The following CACNG3 variants were observed in gnomAD, a reference collection of about 807,000 sequenced individuals.
CACNG3 encodes calcium voltage-gated channel auxiliary subunit gamma 3.
CACNG3 carries 3 observed loss-of-function variants against 28.5 expected under a neutral mutation model. That is an observed-to-expected ratio of 0.11 (90% CI 0.05 to 0.27). The LOEUF (loss-of-function observed/expected upper bound fraction) is 0.27. Among genes scored for constraint, CACNG3 ranks in the 10% least tolerant of loss-of-function variants. The probability of loss-of-function intolerance (pLI) is 1.00; values close to 1 mark genes in which losing one functional copy is unlikely to be tolerated. For synonymous variants in CACNG3, 174 were observed against 162.2 expected, an observed-to-expected ratio of 1.07 and a Z score of -0.55; for missense variants, 236 against 414.4, an observed-to-expected ratio of 0.57 and a Z score of 3.74.
chr16:24,355,575 C>T (rs1190801951), intron 3 of CACNG3, among the ~76,000 whole-genome samples: 1 of 152,108 alleles, frequency 6.6e-6, no homozygotes, highest in African/African-American at 2.4e-5. Context: ...AAAGTGAAGT[C>T]TCATCTCTAA....
chr16:24,305,511 T>A (rs1899174691), intron 1 of CACNG3, among the ~76,000 whole-genome samples: 1 of 151,994 alleles, frequency 6.6e-6, no homozygotes, highest in Non-Finnish European at 1.5e-5. Context: ...AGTTAATATT[T>A]TTTTAAATTA....
chr16:24,289,565 G>T (rs556772786), intron 1 of CACNG3, among the ~76,000 whole-genome samples: 71 of 152,260 alleles, frequency 4.7e-4, no homozygotes, highest in African/African-American at 1.7e-3. Context: ...CAACACAATG[G>T]GTGGCCACCC....
At chr16:24,268,302 A>C (rs938529542) in intron 1 of CACNG3, among the ~76,000 whole-genome samples, 5 of 152,162 alleles carry the variant, frequency 3.3e-5, no homozygotes, top group African/African-American at 4.8e-5. Flanking sequence ...AGGCTCAGAG[A>C]GGTAAAGTAG....
intron 1 of CACNG3, among the ~76,000 whole-genome samples, chr16:24,328,676 G>T (rs545145898): frequency 3.3e-5 from 5 of 152,266 alleles, no homozygotes; most frequent in African/African-American, 1.2e-4. Flanking sequence ...AGATGTTCAA[G>T]TGAGGTGAGG....
intron 1 of CACNG3, among the ~76,000 whole-genome samples, chr16:24,277,738 C>T (rs1415675579): frequency 1.3e-5 from 2 of 149,460 alleles, no homozygotes; most frequent in Admixed American, 1.3e-4. Context: ...AGAGATTGCA[C>T]CACTGCACTC....
In CACNG3 at chr16:24,259,162, C is replaced by CT. The variant is rs1340264257; in HGVS notation, c.211+2204dup. 3.3e-5 allele frequency among the ~76,000 whole-genome samples: 5 copies of CT among 152,268 alleles called. No homozygotes were observed. The East Asian group carries it at 5.8e-4, about 18-fold the overall frequency. Reference sequence around the variant, plus strand: ...GCAGTCCCCATACAACTTGGCCTGGCTTTTTTTGTTGTTGTTCACTTTTTT... The same window carrying CT: ...GCAGTCCCCATACAACTTGGCCTGGCTTTTTTTTGTTGTTGTTCACTTTTTT... On this transcript the variant is annotated intron_variant, in intron 1 of 3. Transcript: ENST00000005284.
At chr16:24,283,687 G>A (rs1596626978) in intron 1 of CACNG3, among the ~76,000 whole-genome samples, 1 of 152,138 alleles carries the variant, frequency 6.6e-6, no homozygotes, top group African/African-American at 2.4e-5. Flanking sequence ...AGAGAATAGT[G>A]TTAAATAATG....
At chr16:24,286,390 T>C (rs867180921) in intron 1 of CACNG3, among the ~76,000 whole-genome samples, 7 of 150,486 alleles carry the variant, frequency 4.7e-5, no homozygotes, top group South Asian at 2.1e-4. Context: ...GGCAAATGTC[T>C]TGATTATTAA....
chr16:24,268,263 A>G (rs1326098941), intron 1 of CACNG3, among the ~76,000 whole-genome samples: 1 of 152,198 alleles, frequency 6.6e-6, no homozygotes, highest in African/African-American at 2.4e-5. Flanking sequence ...GTCTACTACT[A>G]GTTGTCTGCT....
At position 24,361,122 on chromosome 16, in the gene CACNG3, T is replaced by A. The variant is rs1478126013; in HGVS notation, c.437-230T>A. ...AGTTCTTCCGTACTTGCTGTAGGAG[T>A]AGGGTGTATTCTTCAGCTGAATACA... On this transcript the variant is annotated intron_variant, in intron 3 of 3. Coordinates refer to ENST00000005284, the MANE Select transcript of CACNG3 (RefSeq NM_006539.4). The surrounding 1 kb of genome is among the most constrained non-coding windows in gnomAD (Gnocchi z 6.8). Among the ~76,000 whole-genome samples the A allele has an allele frequency of 6.6e-6, 1 of 152,128 alleles. No homozygotes were observed. The highest frequency in any genetic ancestry group is 1.5e-5 in the Non-Finnish European group (1 of 68,034).
intron 1 of CACNG3, among the ~76,000 whole-genome samples, chr16:24,321,692 G>A (rs1240208223): frequency 6.6e-6 from 1 of 152,116 alleles, no homozygotes; most frequent in Non-Finnish European, 1.5e-5. Flanking sequence ...ATCTATTGAG[G>A]TTGCTAAGAT....
intron 2 of CACNG3, among the ~76,000 whole-genome samples, chr16:24,352,423 A>G (rs914044235): frequency 6.6e-5 from 10 of 152,096 alleles, no homozygotes; most frequent in African/African-American, 2.4e-4. Flanking sequence ...TACTTTCAAA[A>G]TATAAAGTAC....
intron 1 of CACNG3, among the ~76,000 whole-genome samples, chr16:24,343,323 C>A (rs186841335): frequency 1.3e-5 from 2 of 152,140 alleles, no homozygotes; most frequent in Admixed American, 6.6e-5. Flanking sequence ...CAGATGCCCA[C>A]GTGTATGTAG....
chr16:24,260,064 AAGG>A (rs370104498), intron 1 of CACNG3, among the ~76,000 whole-genome samples: 3 of 152,210 alleles, frequency 2.0e-5, no homozygotes, highest in Admixed American at 6.5e-5. Flanking sequence ...CCCATCACTC[AAGG>A]AGGAGAAGGA....
chr16:24,280,712 A>C (rs1305475843), intron 1 of CACNG3, among the ~76,000 whole-genome samples: 1 of 149,988 alleles, frequency 6.7e-6, no homozygotes, highest in African/African-American at 2.4e-5. Flanking sequence ...GCTACTTGGG[A>C]GGCTGAAGCA....
chr16:24,310,814 G>A lies in CACNG3; in HGVS notation c.212-35920G>A, dbSNP rs531272999. ...AGTCTGCCTCTAGAGTCTATACATC[G>A]GAATTTCACCCTGTATTCTCCCCAC... On this transcript the variant is annotated intron_variant, in intron 1 of 3. Transcript: ENST00000005284. 1.2e-3 allele frequency among the ~76,000 whole-genome samples: 180 copies of A among 152,176 alleles called. No individual in the cohort carries two copies. In the South Asian group the frequency reaches 0.013, roughly 11 times the overall value.
chr16:24,262,259 A>T (rs1898545401), intron 1 of CACNG3, among the ~76,000 whole-genome samples: 2 of 152,098 alleles, frequency 1.3e-5, no homozygotes, highest in African/African-American at 4.8e-5. Context: ...CTTTTTCTGT[A>T]TTCTTCCTCC....
At chr16:24,285,013 CAAAA>C (rs370618917) in intron 1 of CACNG3, among the ~76,000 whole-genome samples, 2 of 94,766 alleles carry the variant, frequency 2.1e-5, no homozygotes, top group African/African-American at 4.0e-5. Context: ...GGATTCCCAT[CAAAA>C]AAAAAAAAAA....
chr16:24,280,531 C>T (rs1315843941), intron 1 of CACNG3, among the ~76,000 whole-genome samples: 1 of 152,088 alleles, frequency 6.6e-6, no homozygotes, highest in African/African-American at 2.4e-5. Context: ...CAAGACCAGA[C>T]CCAGCCAGGC....
Sources: allele counts gnomAD v4.1 joint callset (sites outside exome capture counted in the v4.1 genomes callset), GRCh38; gene constraint gnomAD v4.1.1; non-coding constraint Gnocchi (gnomAD v3.1); transcripts MANE v1.5; gene names NCBI Gene and HGNC (gene_info 2026-07-23, HGNC 2026-07-21).